The following MGMT variants were observed in gnomAD, a reference collection of about 807,000 sequenced individuals.
MGMT encodes the protein O-6-methylguanine-DNA methyltransferase.
Under a neutral mutation model 15.9 loss-of-function variants are expected in MGMT, and 14 were observed. The ratio of observed to expected loss-of-function variants is 0.88; its 90% CI spans 0.58 to 1.37. The LOEUF (loss-of-function observed/expected upper bound fraction) is 1.37, where lower values mean the gene tolerates loss of function less well. Ranked by LOEUF, MGMT falls within the 40% of genes most tolerant of loss-of-function variation. MGMT has a pLI of 0.00. For missense variants in MGMT, 282 were observed against 268.1 expected (o/e 1.05, Z -0.36); for synonymous variants, 130 against 118.2 (o/e 1.10, Z -0.65).
At chr10:129,469,021 T>A (rs1486831224) in intron 1 of MGMT, among the ~76,000 whole-genome samples, 1 of 152,230 alleles carries the variant, frequency 6.6e-6, no homozygotes, top group Non-Finnish European at 1.5e-5. Flanking sequence ...CTTGTTCAGC[T>A]GCTCAGATTC....
intron 2 of MGMT, among the ~76,000 whole-genome samples, chr10:129,672,955 G>A (rs539507394): frequency 2.6e-5 from 4 of 152,272 alleles, no homozygotes; most frequent in South Asian, 4.1e-4. Flanking sequence ...TTGGGGCACC[G>A]GCAGTGTGGG....
chr10:129,516,570 G>A (rs867363983), intron 1 of MGMT, among the ~76,000 whole-genome samples: 6 of 152,168 alleles, frequency 3.9e-5, no homozygotes, highest in South Asian at 2.1e-4. Context: ...CGTGTAGCAC[G>A]TTGCCTTCCC....
intron 2 of MGMT, among the ~76,000 whole-genome samples, chr10:129,703,105 T>C (rs1848118503): frequency 6.6e-6 from 1 of 152,214 alleles, no homozygotes; most frequent in Non-Finnish European, 1.5e-5. Context: ...AAATCATTGC[T>C]TCAGAATCAA....
chr10:129,714,346 A>G (rs939722549), intron 3 of MGMT, among the ~76,000 whole-genome samples: 1 of 152,246 alleles, frequency 6.6e-6, no homozygotes, highest in African/African-American at 2.4e-5. Context: ...GCAGTTTCCT[A>G]CCTAGCAATT....
intron 2 of MGMT, among the ~76,000 whole-genome samples, chr10:129,617,273 T>C (rs919856214): frequency 1.8e-4 from 28 of 152,226 alleles, no homozygotes; most frequent in African/African-American, 6.3e-4. Flanking sequence ...TCTTTTATTA[T>C]GGCTGCATAG....
At chr10:129,669,312 C>G (rs994659944) in intron 2 of MGMT, among the ~76,000 whole-genome samples, 4 of 152,120 alleles carry the variant, frequency 2.6e-5, no homozygotes, top group Non-Finnish European at 5.9e-5. Context: ...ACTATGGATG[C>G]ACACCACTGT....
At chr10:129,528,736 G>A (rs1845897695) in intron 1 of MGMT, among the ~76,000 whole-genome samples, 2 of 152,282 alleles carry the variant, frequency 1.3e-5, no homozygotes, top group Admixed American at 6.5e-5. Flanking sequence ...AAGGCTTTTG[G>A]CCTTTTCCTC....
chr10:129,726,837 G>A (rs1304147573), intron 3 of MGMT, among the ~76,000 whole-genome samples: 1 of 152,174 alleles, frequency 6.6e-6, no homozygotes, highest in Non-Finnish European at 1.5e-5. Context: ...AGGGGACTTA[G>A]GAGACCCTGT....
Position 129,766,881 on chromosome 10 carries a change from G to A in MGMT, c.508G>A (p.Ala170Thr). Residue 170 changes from alanine to threonine, a missense_variant, in exon 5 of 5, where the codon GCC becomes ACC. Ala to Thr is a moderately conservative substitution (Grantham distance 58). Coordinates refer to ENST00000651593, the MANE Select transcript of MGMT (RefSeq NM_002412.5). ...ACTGGCCGTGAAGGAATGGCTTCTG[G>A]CCCATGAAGGCCACCGGTTGGGGAA... ...GGLAVKEWLL[A>T]HEGHRLGKPG... is the part of the protein sequence containing the mutation. 6.2e-7 allele frequency: 1 copy of A among 1,613,562 alleles called. No homozygotes were observed. Among genetic ancestry groups the A allele is most frequent in the Non-Finnish European group, 8.5e-7 (1 of 1,180,026 alleles).
intron 3 of MGMT, among the ~76,000 whole-genome samples, chr10:129,741,558 A>T (rs891469899): frequency 6.6e-6 from 1 of 152,134 alleles, no homozygotes; most frequent in Non-Finnish European, 1.5e-5. Flanking sequence ...TGATGTTTAT[A>T]CGAGAGTCTC....
intron 3 of MGMT, among the ~76,000 whole-genome samples, chr10:129,725,068 A>T (rs1167776329): frequency 6.6e-6 from 1 of 152,228 alleles, no homozygotes; most frequent in Non-Finnish European, 1.5e-5. Context: ...GATGGACAGG[A>T]AGAGGAAGCC....
chr10:129,474,412 AGT>A (rs1243060394), intron 1 of MGMT, among the ~76,000 whole-genome samples: 1 of 152,102 alleles, frequency 6.6e-6, no homozygotes, highest in Non-Finnish European at 1.5e-5. Context: ...GGAGTCGCAG[AGT>A]GTGGTTGTGA....
chr10:129,590,964 G>A (rs1464021504), intron 2 of MGMT, among the ~76,000 whole-genome samples: 1 of 152,226 alleles, frequency 6.6e-6, no homozygotes, highest in Non-Finnish European at 1.5e-5. Context: ...TGGCCATTTA[G>A]TCAAAAAGTG....
intron 2 of MGMT, among the ~76,000 whole-genome samples, chr10:129,671,774 A>G (rs1053752664): frequency 1.2e-4 from 19 of 152,220 alleles, no homozygotes; most frequent in African/African-American, 4.6e-4. Context: ...ATTGCCGAAC[A>G]CGTGAAGTTC....
At chr10:129,637,925 G>A (rs572955938) in intron 2 of MGMT, among the ~76,000 whole-genome samples, 9 of 152,226 alleles carry the variant, frequency 5.9e-5, no homozygotes, top group East Asian at 5.8e-4. Context: ...TAAACCACCC[G>A]GTCTATGGTA....
chr10:129,658,295 G>A (rs903939775), intron 2 of MGMT, among the ~76,000 whole-genome samples: 34 of 152,074 alleles, frequency 2.2e-4, no homozygotes, highest in Non-Finnish European at 5.9e-5. Flanking sequence ...GACTAATGAC[G>A]AACAGCGTCG....
intron 2 of MGMT, among the ~76,000 whole-genome samples, chr10:129,620,819 T>TCTG (rs1298937933): frequency 3.9e-5 from 6 of 152,234 alleles, no homozygotes; most frequent in Admixed American, 3.3e-4. Context: ...ATGGGTTTAG[T>TCTG]CTGCCGTTTT....
At chr10:129,471,839 T>A (rs1762432) in intron 1 of MGMT, among the ~76,000 whole-genome samples, 14 of 152,302 alleles carry the variant, frequency 9.2e-5, no homozygotes, top group African/African-American at 3.1e-4. Context: ...CTTCCAGAAG[T>A]ATCCATCGGC....
At chr10:129,713,884 A>G (rs1433948363) in intron 3 of MGMT, among the ~76,000 whole-genome samples, 1 of 152,116 alleles carries the variant, frequency 6.6e-6, no homozygotes, top group African/African-American at 2.4e-5. Context: ...CCAGGGTCTC[A>G]TCTGCCGGCA....
Sources: allele counts gnomAD v4.1 joint callset (sites outside exome capture counted in the v4.1 genomes callset), GRCh38; gene constraint gnomAD v4.1.1; transcripts MANE v1.5; gene names NCBI Gene and HGNC (gene_info 2026-07-23, HGNC 2026-07-21).